Variants in FLYWCH1 observed in about 807,000 individuals in gnomAD.
The protein encoded by FLYWCH1 is FLYWCH-type zinc finger-containing protein 1.
In FLYWCH1, 75 loss-of-function variants were observed where a neutral mutation model predicts 66.4. The observed-to-expected ratio is 1.13, with a 90% CI of 0.94 to 1.37. FLYWCH1 has a LOEUF of 1.37. Ranked by LOEUF, FLYWCH1 falls within the 40% of genes most tolerant of loss-of-function variation. The pLI is 0.00. For synonymous variants in FLYWCH1, 595 were observed against 429.9 expected, an observed-to-expected ratio of 1.38 and a Z score of -4.75; for missense variants, 1,334 against 1,001.8, an observed-to-expected ratio of 1.33 and a Z score of -4.48.
intron 2 of FLYWCH1, chr16:2,922,256 G>C (rs2070400433): frequency 6.5e-6 from 1 of 152,990 alleles, no homozygotes; most frequent in African/African-American, 2.5e-5. Flanking sequence ...TGTGTGTGTA[G>C]GGTTAAATAT....
rs575647732 is a variant in FLYWCH1, at chr16:2,948,644, C to G, written c.2112-44C>G. 9.4e-6 allele frequency: 15 copies of G among 1,597,070 alleles called. No individual in the cohort carries two copies. The East Asian group carries it at 3.4e-4, about 36-fold the overall frequency. On this transcript the variant is annotated intron_variant, in intron 9 of 9. Coordinates refer to ENST00000253928, the MANE Select transcript of FLYWCH1 (RefSeq NM_001308068.2). ...AACTTTCTGTGTTATCTATTTCCACCATGTTTTGATGTGTGCAATGAACAT... is the reference window on the plus strand; with the variant it reads ...AACTTTCTGTGTTATCTATTTCCACGATGTTTTGATGTGTGCAATGAACAT...
At chr16:2,916,346 A>G (rs929696285) in intron 2 of FLYWCH1, among the ~76,000 whole-genome samples, 1 of 151,550 alleles carries the variant, frequency 6.6e-6, no homozygotes, top group Non-Finnish European at 1.5e-5. Flanking sequence ...TCTCAAAACA[A>G]AAATACAGGC....
rs755671309 is a variant in FLYWCH1 at position 2,929,819 on chromosome 16, T to G, written c.134T>G (p.Leu45Arg). The G allele has an allele frequency of 6.2e-7, 1 of 1,613,930 alleles. No homozygotes were observed. Among genetic ancestry groups the G allele is most frequent in the East Asian group, 2.2e-5 (1 of 44,888 alleles). The change falls in exon 3 of 10, where the codon CTC (leucine) becomes CGC (arginine). Residue 45 changes from leucine to arginine, a missense_variant. Transcript: ENST00000253928. ...KPREFSKLVL[L>R]TASDQDEDGV... The stretch of plus-strand genomic sequence containing the variant: ...AGGGAGTTCTCCAAACTGGTGCTGC[T>G]CACAGCCTCCGACCAAGATGAGGAT...
Position 2,933,513 on chromosome 16 carries a change from G to T in FLYWCH1, c.1180G>T (p.Val394Phe), listed in dbSNP as rs1161601381. The part of the protein sequence containing the change: ...TRPRPRKRAK[V>F]EDQELPTQPE... ...GCCTCGGCCCAGAAAGCGAGCAAAGGTCGAAGACCAGGAGCTGCCAACCCA... is the reference window on the plus strand; with the variant it reads ...GCCTCGGCCCAGAAAGCGAGCAAAGTTCGAAGACCAGGAGCTGCCAACCCA... Residue 394 changes from valine (V) to phenylalanine (F), a missense_variant, in exon 5 of 10, where the codon GTC becomes TTC. Physicochemically the swap from Val to Phe is conservative, Grantham distance 50 (BLOSUM62 -1). Transcript: ENST00000253928. The T allele has an allele frequency of 6.2e-7, 1 of 1,612,192 alleles. No homozygotes were observed. The highest frequency in any genetic ancestry group is 8.5e-7 in the Non-Finnish European group (1 of 1,179,344).
At position 2,938,385 on chromosome 16, in the gene FLYWCH1, C is replaced by T; in HGVS notation, c.1979C>T (p.Pro660Leu). ...IMVMRSHCHQPDLAGLEALRQ... is the reference protein window; with the variant it reads ...IMVMRSHCHQLDLAGLEALRQ... ...GTCATGCGCAGCCACTGCCATCAGC[C>T]TGACCTGGCAGGCCTGGAGGCCTTG... Residue 660 changes from proline to leucine, a missense_variant, in exon 8 of 10, where the codon CCT becomes CTT. Coordinates refer to ENST00000253928, the MANE Select transcript of FLYWCH1 (RefSeq NM_001308068.2). 1 of 1,571,212 alleles carries T rather than the reference C, an allele frequency of 6.4e-7. No homozygotes were observed. The highest frequency in any genetic ancestry group is 1.2e-5 in the South Asian group (1 of 84,572).
At chr16:2,913,917 C>G (rs1415546827) in intron 1 of FLYWCH1, among the ~76,000 whole-genome samples, 1 of 152,090 alleles carries the variant, frequency 6.6e-6, no homozygotes, top group Non-Finnish European at 1.5e-5. Flanking sequence ...ACTATGTTGC[C>G]TAGGCTGGTC....
intron 6 of FLYWCH1, 111 bp downstream of exon 6, chr16:2,934,090 T>C: frequency 2.3e-6 from 3 of 1,294,220 alleles, no homozygotes; most frequent in Non-Finnish European, 3.1e-6. Flanking sequence ...TTCCCTTCTT[T>C]GAACATCCTA....
At chr16:2,917,085 G>T (rs565790669) in intron 2 of FLYWCH1, among the ~76,000 whole-genome samples, 2 of 151,372 alleles carry the variant, frequency 1.3e-5, no homozygotes, top group African/African-American at 4.8e-5. Flanking sequence ...GAAACCAGAA[G>T]GCAGAAGTTG....
intron 6 of FLYWCH1, chr16:2,934,617 G>C (rs766942716): frequency 2.2e-6 from 1 of 456,702 alleles, no homozygotes; most frequent in South Asian, 1.5e-5. Context: ...GCCCCAAGGC[G>C]CTGGCCTCTC....
chr16:2,923,857 G>A (rs1163265362), intron 2 of FLYWCH1, among the ~76,000 whole-genome samples: 3 of 152,048 alleles, frequency 2.0e-5, no homozygotes, highest in African/African-American at 4.8e-5. Context: ...GACCAACATG[G>A]TGAAACCCCA....
intron 2 of FLYWCH1, chr16:2,928,948 C>T (rs1300173287): frequency 6.6e-6 from 1 of 152,406 alleles, no homozygotes; most frequent in East Asian, 1.9e-4. Context: ...CTGGTATCTC[C>T]TGAAGTGGGG....
chr16:2,927,289 A>C (rs906863723), intron 2 of FLYWCH1, among the ~76,000 whole-genome samples: 1 of 152,122 alleles, frequency 6.6e-6, no homozygotes, highest in Non-Finnish European at 1.5e-5. Context: ...AAACAGGGAG[A>C]TCTTGAGGCG....
At chr16:2,942,824 C>T (rs954212430) in intron 9 of FLYWCH1, among the ~76,000 whole-genome samples, 3 of 141,862 alleles carry the variant, frequency 2.1e-5, no homozygotes, top group Non-Finnish European at 3.0e-5. Context: ...TGTGAGTGAT[C>T]CCAGGTAGCT....
At chr16:2,933,088 T>C in intron 4 of FLYWCH1, 42 bp from the exon 5 acceptor site, 1 of 1,566,256 alleles carries the variant, frequency 6.4e-7, no homozygotes, top group South Asian at 1.2e-5. Context: ...CCTGGGCTCC[T>C]CTCCACCCCT....
At chr16:2,932,319 G>A (rs1159053653) in intron 4 of FLYWCH1, among the ~76,000 whole-genome samples, 1 of 149,834 alleles carries the variant, frequency 6.7e-6, no homozygotes, top group African/African-American at 2.4e-5. Flanking sequence ...GAGAGTCTTG[G>A]GTTTTGGGTC....
At chr16:2,923,890 T>G (rs2070464354) in intron 2 of FLYWCH1, among the ~76,000 whole-genome samples, 1 of 151,812 alleles carries the variant, frequency 6.6e-6, no homozygotes, top group Non-Finnish European at 1.5e-5. Context: ...AATACAAAAA[T>G]TAGCCAGGCA....
intron 4 of FLYWCH1, 92 bp downstream of exon 4, chr16:2,930,972 G>T (rs1386999510): frequency 2.0e-6 from 2 of 1,003,916 alleles, no homozygotes; most frequent in East Asian, 2.7e-5. Flanking sequence ...GGTCCCACAG[G>T]GTCTTTTAAA....
At chr16:2,941,288 A>T (rs1026885920) in intron 9 of FLYWCH1, among the ~76,000 whole-genome samples, 8 of 151,544 alleles carry the variant, frequency 5.3e-5, no homozygotes, top group African/African-American at 1.9e-4. Flanking sequence ...CCCTGTGTGT[A>T]ATTTAAAACA....
chr16:2,947,188 C>T (rs924130646), intron 9 of FLYWCH1, among the ~76,000 whole-genome samples: 1 of 152,126 alleles, frequency 6.6e-6, no homozygotes, highest in Non-Finnish European at 1.5e-5. Flanking sequence ...TGAGGATGCA[C>T]CTTGAAAACA....
Sources: allele counts gnomAD v4.1 joint callset (sites outside exome capture counted in the v4.1 genomes callset), GRCh38; gene constraint gnomAD v4.1.1; transcripts MANE v1.5; gene names NCBI Gene and HGNC (gene_info 2026-07-23, HGNC 2026-07-21).